PDE4D: variants seen among roughly 807,000 people sequenced by gnomAD.
PDE4D encodes the protein phosphodiesterase 4D.
PDE4D carries 24 observed loss-of-function variants against 87.4 expected under a neutral mutation model. The observed-to-expected ratio is 0.27, with a 90% CI of 0.20 to 0.39. PDE4D has a LOEUF of 0.39. PDE4D is among the 10% of genes least tolerant of loss of function. PDE4D has a pLI of 1.00. For missense variants in PDE4D, 714 were observed against 1,041.0 expected (o/e 0.69, Z 4.32); for synonymous variants, 384 against 383.2 (o/e 1.00, Z -0.02).
At chr5:59,872,894 G>T (rs935106150) in intron 1 of PDE4D, among the ~76,000 whole-genome samples, 1 of 152,052 alleles carries the variant, frequency 6.6e-6, no homozygotes, top group African/African-American at 2.4e-5. Context: ...AAAATGGAAG[G>T]TTTTTTTCAT....
chr5:59,561,233 T>C (rs923613823), intron 1 of PDE4D, among the ~76,000 whole-genome samples: 8 of 152,246 alleles, frequency 5.3e-5, no homozygotes, highest in Middle Eastern at 3.4e-3. Flanking sequence ...GGCAATCACA[T>C]GGAGACTGCT....
intron 2 of PDE4D, chr5:60,021,440 C>G (rs1462691680): frequency 6.6e-6 from 1 of 152,224 alleles, no homozygotes; most frequent in Non-Finnish European, 1.5e-5. Flanking sequence ...CCTTGAGACG[C>G]AAGCTCAGGG....
chr5:59,628,707 A>T (rs747429163), intron 1 of PDE4D, among the ~76,000 whole-genome samples: 1 of 152,178 alleles, frequency 6.6e-6, no homozygotes, highest in African/African-American at 2.4e-5. Context: ...AGAATAAGAA[A>T]ATAAATGATT....
intron 1 of PDE4D, among the ~76,000 whole-genome samples, chr5:59,885,380 AC>A (rs1749992687): frequency 5.3e-5 from 8 of 152,104 alleles, no homozygotes; most frequent in Admixed American, 5.2e-4. Flanking sequence ...TAAGCCTCTG[AC>A]CTTATCTGTC....
At chr5:59,839,385 T>C (rs982304387) in intron 1 of PDE4D, among the ~76,000 whole-genome samples, 2 of 151,974 alleles carry the variant, frequency 1.3e-5, no homozygotes, top group African/African-American at 2.4e-5. Flanking sequence ...CTGGTTGATA[T>C]TACTCAGTTT....
At chr5:59,733,217 AT>A (rs1757626844) in intron 1 of PDE4D, among the ~76,000 whole-genome samples, 1 of 152,120 alleles carries the variant, frequency 6.6e-6, no homozygotes, top group Non-Finnish European at 1.5e-5. Flanking sequence ...ATTGGTGGTG[AT>A]ATTAAAAAGA....
intron 1 of PDE4D, among the ~76,000 whole-genome samples, chr5:60,310,673 C>T (rs1754942722): frequency 6.6e-6 from 1 of 152,232 alleles, no homozygotes; most frequent in Non-Finnish European, 1.5e-5. Context: ...GCACATGCTC[C>T]TGAGAAATGG....
In PDE4D at chr5:59,215,944, A is replaced by C. The variant is rs748649636; in HGVS notation, c.480T>G (p.Ser160=). The C allele has an allele frequency of 1.2e-6, 2 of 1,612,604 alleles. No individual in the cohort carries two copies. Among genetic ancestry groups the C allele is most frequent in the Non-Finnish European group, 1.7e-6 (2 of 1,179,100 alleles). ...LRRFDVDNGT[S]AGRSPLDPMT... Reference sequence around the variant, plus strand: ...TGGGATCCAAGGGACTCCGTCCCGCAGATGTGCCATTGTCCACATCAAAAC... The same window carrying C: ...TGGGATCCAAGGGACTCCGTCCCGCCGATGTGCCATTGTCCACATCAAAAC... The change falls in exon 2 of 15, where the codon TCT becomes TCG. Residue 160 remains serine (S), a synonymous_variant. Transcript: ENST00000340635.
intron 1 of PDE4D, among the ~76,000 whole-genome samples, chr5:59,500,518 C>A (rs1808110878): frequency 6.6e-6 from 1 of 152,142 alleles, no homozygotes; most frequent in Non-Finnish European, 1.5e-5. Flanking sequence ...AAACCAAATA[C>A]CACATGTTCT....
chr5:60,459,534 C>A (rs1184771120), intron 1 of PDE4D, among the ~76,000 whole-genome samples: 1 of 152,134 alleles, frequency 6.6e-6, no homozygotes, highest in Non-Finnish European at 1.5e-5. Context: ...TGCACTACTA[C>A]ACAGGGGCCT....
intron 1 of PDE4D, chr5:59,356,666 G>GT: frequency 1.0e-6 from 1 of 959,860 alleles, no homozygotes; most frequent in Non-Finnish European, 1.5e-6. Flanking sequence ...AGCATTAGGA[G>GT]TTAGAAGGTC....
At chr5:60,035,444 A>C (rs1030435287) in intron 2 of PDE4D, among the ~76,000 whole-genome samples, 1 of 152,140 alleles carries the variant, frequency 6.6e-6, no homozygotes, top group African/African-American at 2.4e-5. Context: ...AAAGAAGTTA[A>C]ATAACTTGCC....
At chr5:59,696,914 T>TA (rs1246791644) in intron 1 of PDE4D, among the ~76,000 whole-genome samples, 1 of 151,738 alleles carries the variant, frequency 6.6e-6, no homozygotes, top group African/African-American at 2.4e-5. Context: ...ATATGAGAAG[T>TA]AAAAAACAGA....
At chr5:59,350,269 C>A (rs997216083) in intron 1 of PDE4D, among the ~76,000 whole-genome samples, 1 of 152,048 alleles carries the variant, frequency 6.6e-6, no homozygotes, top group African/African-American at 2.4e-5. Context: ...ATTCATTTTG[C>A]TGCCTTACTG....
At chr5:59,440,947 TGCTTATCTTTGAGCAG>T (rs2153636013) in intron 1 of PDE4D, among the ~76,000 whole-genome samples, 1 of 152,360 alleles carries the variant, frequency 6.6e-6, no homozygotes, top group East Asian at 1.9e-4. Flanking sequence ...CAGATTTAAA[TGCTTATCTTTGAGCAG>T]ATTTAAATAT....
chr5:59,901,634 A>G (rs904928121), intron 3 of PDE4D, among the ~76,000 whole-genome samples: 3 of 152,136 alleles, frequency 2.0e-5, no homozygotes, highest in African/African-American at 7.2e-5. Flanking sequence ...ACGTCACAGA[A>G]AAGGAAAACA....
chr5:59,646,442 A>C (rs1742460871), intron 1 of PDE4D, among the ~76,000 whole-genome samples: 1 of 152,244 alleles, frequency 6.6e-6, no homozygotes, highest in Non-Finnish European at 1.5e-5. Context: ...GCCAAATCCT[A>C]TGACCAATAA....
intron 1 of PDE4D, among the ~76,000 whole-genome samples, chr5:59,664,057 G>A (rs906047309): frequency 3.4e-4 from 51 of 152,088 alleles, no homozygotes; most frequent in African/African-American, 1.1e-3. Context: ...TTTAGAAACA[G>A]GCCTAATATT....
At chr5:59,083,608 G>GCTC (rs3061414) in intron 5 of PDE4D, among the ~76,000 whole-genome samples, 98,929 of 151,300 alleles carry the variant, frequency 0.65, 32,439 homozygotes, top group East Asian at 0.82. Flanking sequence ...TCAGTATTCT[G>GCTC]CTATTTATGG....
Sources: gnomAD v4.1 joint callset for allele counts (sites outside exome capture counted in the v4.1 genomes callset) on GRCh38, gnomAD v4.1.1 for gene constraint, MANE v1.5 for transcripts, NCBI Gene and HGNC (gene_info 2026-07-23, HGNC 2026-07-21) for gene names.